Variants in GPC6 observed in about 807,000 individuals in gnomAD.
GPC6 encodes the protein glypican-6.
A neutral mutation model predicts 55.2 loss-of-function variants in GPC6; 14 were observed. The observed-to-expected ratio is 0.25, with a 90% CI of 0.17 to 0.40. GPC6 has a LOEUF of 0.40. Ranked by LOEUF, GPC6 falls within the 10% of genes least tolerant of loss-of-function variation. The pLI, the probability that GPC6 is intolerant of heterozygous loss-of-function variation, is 1.00. For synonymous variants in GPC6, 278 were observed against 259.6 expected, an observed-to-expected ratio of 1.07 and a Z score of -0.68; for missense variants, 641 against 708.5, an observed-to-expected ratio of 0.90 and a Z score of 1.08.
the GPC6 span, among the ~76,000 whole-genome samples, chr13:93,218,849 G>A: frequency 6.6e-6 from 1 of 152,000 alleles, no homozygotes; most frequent in African/African-American, 2.4e-5. Flanking sequence ...ATCATGAAGG[G>A]GAATGGTTGG....
intron 3 of GPC6, among the ~76,000 whole-genome samples, chr13:93,860,576 A>C (rs958167096): frequency 2.0e-5 from 3 of 151,664 alleles, no homozygotes; most frequent in African/African-American, 7.3e-5. Context: ...ATTTCTGTGC[A>C]GAATGTCTCA....
intron 4 of GPC6, among the ~76,000 whole-genome samples, chr13:94,029,888 A>G (rs899865182): frequency 7.2e-5 from 11 of 152,202 alleles, no homozygotes; most frequent in African/African-American, 2.7e-4. Context: ...TGTCTGGAAA[A>G]TCACTGGATT....
chr13:94,187,327 A>G lies in GPC6; in HGVS notation c.878-99022A>G, dbSNP rs984886826. On this transcript the variant is annotated intron_variant, in intron 4 of 8. Transcript: ENST00000377047. ...ATTTGACTGGCTCCACTCCTTATAC[A>G]TCAAATTGATCAAAGCAGAAATTAC... 10 of 152,208 alleles carry G rather than the reference A, an allele frequency of 6.6e-5. No individual in the cohort carries two copies. In the South Asian group the frequency reaches 2.1e-3, roughly 32 times the overall value. 9.4% of individuals were successfully genotyped at this position (152,208 alleles called of 1,614,324 possible).
intron 3 of GPC6, among the ~76,000 whole-genome samples, chr13:93,997,632 A>G (rs892139944): frequency 6.6e-6 from 1 of 151,488 alleles, no homozygotes; most frequent in Non-Finnish European, 1.5e-5. Flanking sequence ...TATAAAACCT[A>G]GGAAACTACC....
chr13:94,133,972 A>G (rs1566448104), intron 4 of GPC6, among the ~76,000 whole-genome samples: 2 of 152,224 alleles, frequency 1.3e-5, no homozygotes, highest in East Asian at 3.8e-4. Context: ...ACAAGTTATT[A>G]GGACATTAAT....
At chr13:93,751,515 T>G (rs1372480625) in intron 2 of GPC6, among the ~76,000 whole-genome samples, 1 of 151,790 alleles carries the variant, frequency 6.6e-6, no homozygotes, top group African/African-American at 2.4e-5. Context: ...TTATTTTTAT[T>G]TATTTTTTAA....
At chr13:93,645,420 A>G (rs1178233577) in intron 2 of GPC6, among the ~76,000 whole-genome samples, 1 of 152,170 alleles carries the variant, frequency 6.6e-6, no homozygotes, top group Non-Finnish European at 1.5e-5. Context: ...AAGGGAAGAA[A>G]TAAGAACCAC....
In GPC6 at chr13:94,093,529, G is replaced by A. The variant is rs868838315; in HGVS notation, c.877+65635G>A. On this transcript the variant is annotated intron_variant, in intron 4 of 8. Transcript: ENST00000377047. The stretch of plus-strand genomic sequence containing the variant: ...AACTCAGTAGTATATTTTGAAATCC[G>A]GTAGTGTAATGCCTCCAGCTTTGTT... Among the ~76,000 whole-genome samples, 145 of 152,076 alleles carry A rather than the reference G, an allele frequency of 9.5e-4. 1 individual carries two copies. The highest frequency in any genetic ancestry group is 2.6e-3 in the Admixed American group (39 of 15,254).
chr13:94,304,572 A>G (rs17253787), intron 5 of GPC6, among the ~76,000 whole-genome samples: 2,608 of 152,348 alleles, frequency 0.017, 38 homozygotes, highest in East Asian at 0.067. Context: ...ATCATCTGCT[A>G]TGGAGAAATG....
intron 8 of GPC6, among the ~76,000 whole-genome samples, chr13:94,399,290 G>A (rs1292370525): frequency 6.6e-6 from 1 of 152,142 alleles, no homozygotes; most frequent in Non-Finnish European, 1.5e-5. Context: ...GAGAGAAATT[G>A]TAAAATTCTA....
intron 3 of GPC6, among the ~76,000 whole-genome samples, chr13:93,919,282 C>A (rs1190745511): frequency 1.3e-5 from 2 of 152,164 alleles, no homozygotes; most frequent in Admixed American, 1.3e-4. Flanking sequence ...TTCTTTATAG[C>A]AGCACAAGAA....
intron 1 of GPC6, among the ~76,000 whole-genome samples, chr13:93,263,978 G>A (rs1877239811): frequency 6.6e-6 from 1 of 152,082 alleles, no homozygotes; most frequent in African/African-American, 2.4e-5. Flanking sequence ...ACACCTCCAG[G>A]GGCCTGTTTA....
At chr13:94,330,807 T>C (rs998895323) in intron 6 of GPC6, among the ~76,000 whole-genome samples, 1 of 152,208 alleles carries the variant, frequency 6.6e-6, no homozygotes, top group African/African-American at 2.4e-5. Flanking sequence ...TTCACCTATA[T>C]ATCTCTTGAG....
intron 3 of GPC6, among the ~76,000 whole-genome samples, chr13:93,891,206 A>G (rs1302089477): frequency 6.6e-6 from 1 of 152,116 alleles, no homozygotes; most frequent in Non-Finnish European, 1.5e-5. Flanking sequence ...TTTATTTTTC[A>G]AAGTATACCT....
At chr13:93,424,523 G>A (rs1448846697) in intron 1 of GPC6, among the ~76,000 whole-genome samples, 2 of 152,042 alleles carry the variant, frequency 1.3e-5, no homozygotes, top group African/African-American at 2.4e-5. Flanking sequence ...AGTGCAACAT[G>A]GAGGAGTTGG....
At chr13:94,163,893 A>G (rs1401166326) in intron 4 of GPC6, among the ~76,000 whole-genome samples, 1 of 152,216 alleles carries the variant, frequency 6.6e-6, no homozygotes, top group Non-Finnish European at 1.5e-5. Flanking sequence ...AATCAGATAC[A>G]GTATAGATGA....
At chr13:93,924,526 G>A (rs563819727) in intron 3 of GPC6, among the ~76,000 whole-genome samples, 2 of 152,210 alleles carry the variant, frequency 1.3e-5, no homozygotes, top group South Asian at 2.1e-4. Context: ...ACCTGACTTC[G>A]ATTTTTCTTT....
intron 4 of GPC6, among the ~76,000 whole-genome samples, chr13:94,182,066 C>T (rs1215964771): frequency 2.0e-5 from 3 of 152,132 alleles, no homozygotes; most frequent in Admixed American, 1.3e-4. Context: ...GTAGTTGGCC[C>T]CTCCTCTCCC....
chr13:94,213,474 T>A (rs1206032716), intron 4 of GPC6, among the ~76,000 whole-genome samples: 2 of 152,178 alleles, frequency 1.3e-5, no homozygotes, highest in Non-Finnish European at 2.9e-5. Context: ...CATTTATTTG[T>A]TCATAATTTT....
Sources: allele counts gnomAD v4.1 joint callset (sites outside exome capture counted in the v4.1 genomes callset), GRCh38; gene constraint gnomAD v4.1.1; transcripts MANE v1.5; gene names NCBI Gene and HGNC (gene_info 2026-07-23, HGNC 2026-07-21).